The following PRDM11 variants were observed in gnomAD, a reference collection of about 807,000 sequenced individuals.
The protein encoded by PRDM11 is PR domain-containing protein 11.
In PRDM11, 20 loss-of-function variants were observed where a neutral mutation model predicts 97.8. The observed-to-expected ratio is 0.20, with a 90% CI of 0.14 to 0.30. The LOEUF (loss-of-function observed/expected upper bound fraction) is 0.30. Among genes scored for constraint, PRDM11 ranks in the 10% least tolerant of loss-of-function variants. The probability of loss-of-function intolerance (pLI) is 1.00; values close to 1 mark genes in which losing one functional copy is unlikely to be tolerated. For synonymous variants in PRDM11, 599 were observed against 637.7 expected (o/e 0.94, Z 0.91); for missense variants, 1,139 against 1,555.2 (o/e 0.73, Z 4.50).
chr11:45,103,840 C>T (rs1852019395), intron 1 of PRDM11, among the ~76,000 whole-genome samples: 1 of 150,906 alleles, frequency 6.6e-6, no homozygotes, highest in Admixed American at 6.6e-5. Context: ...ACTAATCTAC[C>T]TTTAACGGTG....
intron 4 of PRDM11, among the ~76,000 whole-genome samples, chr11:45,203,706 C>T (rs934087939): frequency 1.6e-4 from 24 of 151,112 alleles, no homozygotes; most frequent in African/African-American, 3.4e-4. Context: ...CTGCAAGCTC[C>T]GCCTCCCGGG....
At position 45,226,362 on chromosome 11, in the gene PRDM11, G is replaced by C. The variant is rs150872088; in HGVS notation, c.1737G>C (p.Pro579=). The C allele has an allele frequency of 1.2e-5, 18 of 1,533,846 alleles. No homozygotes were observed. The highest frequency in any genetic ancestry group is 9.8e-5 in the East Asian group (4 of 40,920). Residue 579 remains proline, a synonymous_variant, in exon 8 of 8, where the codon CCG becomes CCC. Transcript: ENST00000683152. The part of the protein sequence containing the change: ...CLQLYKLRMH[P]EKTEEMCRNM... ...AACTGTACAAGCTCCGCATGCACCCGGAGAAGACAGAGGAGATGTGTCGCA... is the reference window on the plus strand; with the variant it reads ...AACTGTACAAGCTCCGCATGCACCCCGAGAAGACAGAGGAGATGTGTCGCA...
chr11:45,182,736 G>T, intron 3 of PRDM11, 125 bp from the exon 4 acceptor site: 1 of 1,216,446 alleles, frequency 8.2e-7, no homozygotes, highest in Non-Finnish European at 1.1e-6. Context: ...TATTGCTACC[G>T]ATGACCCTGG....
At chr11:45,098,426 G>T (rs1004851001) in intron 1 of PRDM11, among the ~76,000 whole-genome samples, 6 of 152,224 alleles carry the variant, frequency 3.9e-5, no homozygotes, top group Non-Finnish European at 8.8e-5. Context: ...GAAAAGCTTG[G>T]ACTTAGTCGG....
At chr11:45,187,905 C>G (rs956110080) in intron 4 of PRDM11, among the ~76,000 whole-genome samples, 1 of 151,922 alleles carries the variant, frequency 6.6e-6, no homozygotes, top group African/African-American at 2.4e-5. Flanking sequence ...CCTGCCTGCT[C>G]TGCTGATGGG....
chr11:45,187,456 T>C (rs1228287997), intron 4 of PRDM11, among the ~76,000 whole-genome samples: 1 of 152,204 alleles, frequency 6.6e-6, no homozygotes, highest in African/African-American at 2.4e-5. Flanking sequence ...AGATGAACTT[T>C]CCCAGGTTGG....
In PRDM11 at chr11:45,194,661, G is replaced by C. The variant is rs12271551; in HGVS notation, c.487-10050G>C. The stretch of plus-strand genomic sequence containing the variant: ...TCGCCCAGGCTGGAGTGCAGTGGCG[G>C]GATCTCGGCTCACTGCAAGCTCCGC... On this transcript the variant is annotated intron_variant, in intron 4 of 7. Transcript: ENST00000683152. 2.1e-3 allele frequency among the ~76,000 whole-genome samples: 294 copies of C among 141,758 alleles called. 1 individual carries two copies. Among genetic ancestry groups the C allele is most frequent in the African/African-American group, 6.9e-3 (261 of 37,826 alleles). 93.0% of individuals were successfully genotyped at this position (141,758 alleles called of 152,430 possible). A position where few individuals can be genotyped will look rare whatever the true frequency, so the allele number is the denominator to read the frequency against.
chr11:45,188,639 C>T (rs1343198168), intron 4 of PRDM11, among the ~76,000 whole-genome samples: 1 of 152,256 alleles, frequency 6.6e-6, no homozygotes, highest in African/African-American at 2.4e-5. Flanking sequence ...CTCCACAACT[C>T]TCCTTCGTGG....
At chr11:45,170,505 G>A (rs1852176925) in intron 1 of PRDM11, among the ~76,000 whole-genome samples, 1 of 152,204 alleles carries the variant, frequency 6.6e-6, no homozygotes, top group South Asian at 2.1e-4. Context: ...TCAGGCAGAG[G>A]GAATAGCCAG....
chr11:45,154,423 C>T (rs1348235330), intron 1 of PRDM11, among the ~76,000 whole-genome samples: 1 of 151,870 alleles, frequency 6.6e-6, no homozygotes, highest in Non-Finnish European at 1.5e-5. Context: ...TTCTCCCCAT[C>T]CCAGGAACCT....
chr11:45,147,129 G>C (rs373547951), intron 1 of PRDM11, among the ~76,000 whole-genome samples: 1 of 151,290 alleles, frequency 6.6e-6, no homozygotes, highest in Non-Finnish European at 1.5e-5. Flanking sequence ...GGGAGCCGGG[G>C]GCCGCCCTCC....
At chr11:45,112,531 T>C (rs1281393692) in intron 1 of PRDM11, among the ~76,000 whole-genome samples, 1 of 152,240 alleles carries the variant, frequency 6.6e-6, no homozygotes, top group African/African-American at 2.4e-5. Context: ...TCCATAGTGG[T>C]TGTACTAATT....
intron 1 of PRDM11, among the ~76,000 whole-genome samples, chr11:45,133,493 T>G (rs1285452607): frequency 6.6e-6 from 1 of 152,234 alleles, no homozygotes; most frequent in African/African-American, 2.4e-5. Flanking sequence ...AAAGACATAT[T>G]TCTGATGATA....
At chr11:45,106,436 A>G (rs1852063077) in intron 1 of PRDM11, among the ~76,000 whole-genome samples, 1 of 152,024 alleles carries the variant, frequency 6.6e-6, no homozygotes, top group African/African-American at 2.4e-5. Context: ...TGGTTCTCTC[A>G]CGAGCTAGAT....
At chr11:45,125,920 G>A (rs1852559209) in intron 1 of PRDM11, among the ~76,000 whole-genome samples, 1 of 152,268 alleles carries the variant, frequency 6.6e-6, no homozygotes, top group African/African-American at 2.4e-5. Flanking sequence ...TTGTTGATCT[G>A]TCTAATGTTG....
intron 1 of PRDM11, among the ~76,000 whole-genome samples, chr11:45,116,530 T>C (rs566723314): frequency 6.6e-6 from 1 of 152,320 alleles, no homozygotes; most frequent in South Asian, 2.1e-4. Flanking sequence ...TAACATATCT[T>C]TAAATAACTC....
chr11:45,185,389 G>A (rs1444273393), intron 4 of PRDM11, among the ~76,000 whole-genome samples: 2 of 152,176 alleles, frequency 1.3e-5, no homozygotes, highest in Non-Finnish European at 1.5e-5. Flanking sequence ...GAGAGTGATG[G>A]GGGTGGAACC....
chr11:45,234,431 G>C lies in PRDM11; in HGVS notation c.*6272G>C, dbSNP rs1006508449. 1 of 152,866 alleles carries C rather than the reference G, an allele frequency of 6.5e-6. No individual in the cohort carries two copies. Among genetic ancestry groups the C allele is most frequent in the Admixed American group, 6.5e-5 (1 of 15,286 alleles). The allele number at this position is 152,866 out of a possible 1,614,324, so 9.5% of individuals were successfully genotyped here. ...GGCCCACCCCTCCACCTGCAGCCCA[G>C]GGCGGGTCTGTTCTGCCAATGCCCA... On this transcript the variant is annotated 3_prime_UTR_variant, in exon 8 of 8. Coordinates refer to ENST00000683152, the MANE Select transcript of PRDM11 (RefSeq NM_001384648.1).
intron 6 of PRDM11, among the ~76,000 whole-genome samples, chr11:45,221,277 C>T (rs999856632): frequency 6.6e-6 from 1 of 152,124 alleles, no homozygotes; most frequent in Non-Finnish European, 1.5e-5. Flanking sequence ...TTTCACTTGG[C>T]AAGGTGTGCT....
Sources: allele counts gnomAD v4.1 joint callset (sites outside exome capture counted in the v4.1 genomes callset), GRCh38; gene constraint gnomAD v4.1.1; transcripts MANE v1.5; gene names NCBI Gene and HGNC (gene_info 2026-07-23, HGNC 2026-07-21).